Variants in VRK2 observed in about 807,000 individuals in gnomAD.
VRK2 encodes serine/threonine-protein kinase VRK2.
VRK2 carries 60 observed loss-of-function variants against 57.6 expected under a neutral mutation model. The observed-to-expected ratio is 1.04, with a 90% CI of 0.85 to 1.29. The LOEUF (loss-of-function observed/expected upper bound fraction) is 1.29. VRK2 is among the 50% of genes most tolerant of loss of function. The probability of loss-of-function intolerance (pLI) is 0.00; values close to 1 mark genes in which losing one functional copy is unlikely to be tolerated. For missense variants in VRK2, 705 were observed against 588.1 expected, an observed-to-expected ratio of 1.20 and a Z score of -2.06; for synonymous variants, 231 against 199.2, an observed-to-expected ratio of 1.16 and a Z score of -1.35.
upstream of VRK2, among the ~76,000 whole-genome samples, chr2:58,041,883 T>A (rs1435794698): frequency 1.3e-5 from 2 of 152,176 alleles, no homozygotes; most frequent in African/African-American, 4.8e-5. Flanking sequence ...AGAAAATCTT[T>A]GAATCCACCT....
At chr2:57,993,485 A>AC (rs1466661783) in intron 1 of VRK2, among the ~76,000 whole-genome samples, 3 of 152,144 alleles carry the variant, frequency 2.0e-5, no homozygotes, top group African/African-American at 7.2e-5. Context: ...CTGCTTTAAA[A>AC]AAAAAAAAAA....
intron 3 of VRK2, among the ~76,000 whole-genome samples, chr2:58,035,788 T>C (rs1166489636): frequency 6.6e-6 from 1 of 152,052 alleles, no homozygotes; most frequent in East Asian, 1.9e-4. Flanking sequence ...TATAAGTGAA[T>C]TGAAGTGGCA....
At chr2:57,989,014 T>A (rs1672684207) in intron 1 of VRK2, among the ~76,000 whole-genome samples, 1 of 152,162 alleles carries the variant, frequency 6.6e-6, no homozygotes, top group South Asian at 2.1e-4. Context: ...GCTCCCAGTC[T>A]AGCAAACAGA....
At chr2:58,107,265 C>T (rs188798459) in intron 7 of VRK2, among the ~76,000 whole-genome samples, 32 of 152,048 alleles carry the variant, frequency 2.1e-4, no homozygotes, top group African/African-American at 7.5e-4. Flanking sequence ...TATACTCTTC[C>T]CAGTGGGTTT....
intron 12 of VRK2, among the ~76,000 whole-genome samples, chr2:58,158,780 C>A (rs115418056): frequency 0.013 from 2,044 of 152,130 alleles, 48 homozygotes; most frequent in African/African-American, 0.046. Flanking sequence ...TATATTAATA[C>A]CACTTAATTT....
chr2:58,078,195 G>C (rs1670397456), intron 2 of VRK2, among the ~76,000 whole-genome samples: 1 of 151,754 alleles, frequency 6.6e-6, no homozygotes, highest in Non-Finnish European at 1.5e-5. Flanking sequence ...CTACTTTTTT[G>C]TTTCTATGAA....
chr2:57,912,655 T>C (rs1010237168), intron 1 of VRK2, among the ~76,000 whole-genome samples: 1 of 152,154 alleles, frequency 6.6e-6, no homozygotes, highest in South Asian at 2.1e-4. Flanking sequence ...GTAATTTGAC[T>C]AAAGAGCAAC....
chr2:57,959,328 G>A (rs908041987), intron 1 of VRK2, among the ~76,000 whole-genome samples: 2 of 152,134 alleles, frequency 1.3e-5, no homozygotes, highest in Non-Finnish European at 2.9e-5. Context: ...ACTGTGAATC[G>A]AACAATAATC....
intron 1 of VRK2, among the ~76,000 whole-genome samples, chr2:57,989,934 A>C (rs950961385): frequency 2.6e-5 from 4 of 152,228 alleles, no homozygotes; most frequent in Non-Finnish European, 5.9e-5. Flanking sequence ...AAAAGCTGGA[A>C]ATGAGAAGTT....
chr2:57,975,073 T>C (rs1672207842), intron 1 of VRK2, among the ~76,000 whole-genome samples: 1 of 152,000 alleles, frequency 6.6e-6, no homozygotes, highest in South Asian at 2.1e-4. Flanking sequence ...TTATGTTTCA[T>C]GAATTAGCTA....
chr2:58,003,279 G>T (rs1310352779), intron 1 of VRK2, among the ~76,000 whole-genome samples: 2 of 151,928 alleles, frequency 1.3e-5, no homozygotes. Flanking sequence ...GACAAAATAT[G>T]GGTTCCATAT....
chr2:58,129,763 CA>C (rs1351529145), intron 8 of VRK2, among the ~76,000 whole-genome samples: 1 of 152,130 alleles, frequency 6.6e-6, no homozygotes, highest in Admixed American at 6.5e-5. Context: ...GAGGGAATTT[CA>C]GGTAGAGGTA....
At chr2:58,083,075 A>G (rs1558611832) in intron 2 of VRK2, among the ~76,000 whole-genome samples, 1 of 151,778 alleles carries the variant, frequency 6.6e-6, no homozygotes, top group African/African-American at 2.4e-5. Flanking sequence ...AATATATTGT[A>G]TCTCAAGAAT....
intron 7 of VRK2, among the ~76,000 whole-genome samples, chr2:58,118,779 G>A (rs6715519): frequency 0.072 from 11,000 of 152,252 alleles, 568 homozygotes; most frequent in Non-Finnish European, 0.11. Context: ...GGGTGCAGGC[G>A]GTTGAGTCCG....
intron 1 of VRK2, among the ~76,000 whole-genome samples, chr2:57,942,332 G>A (rs541485021): frequency 1.3e-5 from 2 of 152,162 alleles, no homozygotes; most frequent in Non-Finnish European, 2.9e-5. Flanking sequence ...TTATGCAGAG[G>A]AAGACAAAAT....
At chr2:58,082,220 A>C (rs1211889256) in intron 2 of VRK2, among the ~76,000 whole-genome samples, 1 of 151,960 alleles carries the variant, frequency 6.6e-6, no homozygotes, top group Non-Finnish European at 1.5e-5. Flanking sequence ...ATAAAGTATT[A>C]GGGATATAAT....
At chr2:57,977,748 T>C (rs1355623105) in intron 1 of VRK2, among the ~76,000 whole-genome samples, 1 of 151,200 alleles carries the variant, frequency 6.6e-6, no homozygotes, top group African/African-American at 2.5e-5. Flanking sequence ...GGGCTTCCAG[T>C]ACGATGTTGA....
intron 2 of VRK2, among the ~76,000 whole-genome samples, chr2:58,058,170 T>A (rs1340874616): frequency 6.6e-6 from 1 of 152,052 alleles, no homozygotes; most frequent in Non-Finnish European, 1.5e-5. Flanking sequence ...TAAAATCAAA[T>A]GAAAGATTCA....
chr2:58,037,725 A>G (rs988461651), intron 3 of VRK2, among the ~76,000 whole-genome samples: 4 of 152,244 alleles, frequency 2.6e-5, no homozygotes, highest in Middle Eastern at 6.8e-3. Context: ...ATACTCCTGC[A>G]ATATGTCTCC....
Sources: allele counts gnomAD v4.1 joint callset (sites outside exome capture counted in the v4.1 genomes callset), GRCh38; gene constraint gnomAD v4.1.1; transcripts MANE v1.5; gene names NCBI Gene and HGNC (gene_info 2026-07-23, HGNC 2026-07-21).